Variants in RARB observed in about 807,000 individuals in gnomAD.
The protein encoded by RARB is retinoic acid receptor beta.
A neutral mutation model predicts 51.9 loss-of-function variants in RARB; 17 were observed. The observed-to-expected ratio is 0.33, with a 90% CI of 0.22 to 0.49. The LOEUF is 0.49. Among genes scored for constraint, RARB ranks in the 20% least tolerant of loss-of-function variants. The probability of loss-of-function intolerance (pLI) is 0.99; values close to 1 mark genes in which losing one functional copy is unlikely to be tolerated. For missense variants in RARB, 369 were observed against 550.8 expected (o/e 0.67, Z 3.30); for synonymous variants, 215 against 195.4 (o/e 1.10, Z -0.84).
At chr3:25,169,645 G>C (rs917711718) in intron 4 of RARB, among the ~76,000 whole-genome samples, 11 of 152,052 alleles carry the variant, frequency 7.2e-5, no homozygotes, top group African/African-American at 2.7e-4. Flanking sequence ...CTATGTGTGG[G>C]CAATAGTTTA....
chr3:25,197,823 T>C (rs1401254492), intron 5 of RARB, among the ~76,000 whole-genome samples: 2 of 151,922 alleles, frequency 1.3e-5, no homozygotes, highest in East Asian at 3.9e-4. Flanking sequence ...TGGAATGTTT[T>C]AAAAAATCAA....
chr3:25,459,172 G>A (rs919391313), intron 1 of RARB, among the ~76,000 whole-genome samples: 2 of 152,212 alleles, frequency 1.3e-5, no homozygotes, highest in African/African-American at 4.8e-5. Flanking sequence ...ACCAGGAATG[G>A]AGAGGGGCAT....
intron 5 of RARB, among the ~76,000 whole-genome samples, chr3:25,246,678 C>T (rs1702569302): frequency 2.0e-5 from 3 of 152,114 alleles, no homozygotes; most frequent in African/African-American, 4.8e-5. Flanking sequence ...TTGCTGTGTG[C>T]TCCTCCCTCT....
chr3:25,180,010 A>T (rs1176290681), intron 5 of RARB, among the ~76,000 whole-genome samples: 1 of 152,212 alleles, frequency 6.6e-6, no homozygotes, highest in African/African-American at 2.4e-5. Flanking sequence ...GATCAAGAAT[A>T]TATGAATATG....
At chr3:24,862,794 T>C (rs986383589) in intron 2 of RARB, among the ~76,000 whole-genome samples, 8 of 152,222 alleles carry the variant, frequency 5.3e-5, no homozygotes, top group African/African-American at 1.9e-4. Flanking sequence ...TACTGTACTG[T>C]ATCTGTGGTA....
intron 3 of RARB, among the ~76,000 whole-genome samples, chr3:25,100,987 G>A (rs1357184834): frequency 6.6e-6 from 1 of 152,176 alleles, no homozygotes; most frequent in African/African-American, 2.4e-5. Flanking sequence ...GATTAGAAAG[G>A]CTAAAATAGA....
At chr3:25,496,905 A>G (rs1351313548) in intron 2 of RARB, among the ~76,000 whole-genome samples, 1 of 152,178 alleles carries the variant, frequency 6.6e-6, no homozygotes, top group Non-Finnish European at 1.5e-5. Context: ...GCTTTTTGAG[A>G]CGGAGTTTCA....
chr3:25,215,356 A>G (rs936643211), intron 5 of RARB, among the ~76,000 whole-genome samples: 42 of 152,336 alleles, frequency 2.8e-4, no homozygotes, highest in African/African-American at 1.0e-3. Context: ...AGGGTTTGAC[A>G]AACTGTTGAC....
At chr3:24,920,395 A>C (rs78117778) in intron 2 of RARB, among the ~76,000 whole-genome samples, 1 of 152,214 alleles carries the variant, frequency 6.6e-6, no homozygotes, top group South Asian at 2.1e-4. Context: ...CAAATCAGGA[A>C]ATCTAAATAT....
At chr3:25,406,222 T>C (rs1451687232) in intron 5 of RARB, among the ~76,000 whole-genome samples, 1 of 152,172 alleles carries the variant, frequency 6.6e-6, no homozygotes, top group African/African-American at 2.4e-5. Context: ...AAACTTTATT[T>C]AGAGGTTCCA....
At chr3:25,164,695 A>G (rs1700532085) in intron 4 of RARB, among the ~76,000 whole-genome samples, 1 of 152,214 alleles carries the variant, frequency 6.6e-6, no homozygotes, top group Non-Finnish European at 1.5e-5. Flanking sequence ...TATGGTTTCA[A>G]TTATGTGAAT....
chr3:25,033,840 C>A (rs1697927035), intron 2 of RARB, among the ~76,000 whole-genome samples: 1 of 152,210 alleles, frequency 6.6e-6, no homozygotes, highest in Non-Finnish European at 1.5e-5. Context: ...TAGCTTAAAT[C>A]TCCTAGCTTA....
chr3:25,490,716 A>G (rs910393949), intron 2 of RARB, among the ~76,000 whole-genome samples: 3 of 152,190 alleles, frequency 2.0e-5, no homozygotes, highest in Non-Finnish European at 4.4e-5. Flanking sequence ...TTTCAATAAA[A>G]TAATTGAAAA....
chr3:24,866,447 G>GGCC (rs1702850566), intron 2 of RARB, among the ~76,000 whole-genome samples: 1 of 152,118 alleles, frequency 6.6e-6, no homozygotes, highest in Non-Finnish European at 1.5e-5. Context: ...CACAAGGCAA[G>GGCC]GCACTCTGGA....
intron 2 of RARB, among the ~76,000 whole-genome samples, chr3:24,981,531 C>T (rs748289670): frequency 1.3e-5 from 2 of 152,142 alleles, no homozygotes; most frequent in Admixed American, 6.5e-5. Context: ...TGTCCCAGGT[C>T]GATCCCAGAC....
intron 4 of RARB, among the ~76,000 whole-genome samples, chr3:25,139,436 TAGA>T (rs1313040052): frequency 6.6e-6 from 1 of 152,130 alleles, no homozygotes; most frequent in Non-Finnish European, 1.5e-5. Flanking sequence ...GTGGTGTGGA[TAGA>T]AGATCAAACC....
At chr3:24,900,371 C>G (rs1442268610) in intron 2 of RARB, among the ~76,000 whole-genome samples, 1 of 152,224 alleles carries the variant, frequency 6.6e-6, no homozygotes, top group African/African-American at 2.4e-5. Flanking sequence ...CCATATTCAT[C>G]TCTTTGAAAT....
At chr3:25,105,360 C>A (rs558071190) in intron 3 of RARB, among the ~76,000 whole-genome samples, 2 of 145,262 alleles carry the variant, frequency 1.4e-5, no homozygotes, top group Non-Finnish European at 3.0e-5. Context: ...GCTTTGATAG[C>A]ACTTTTAAAA....
At chr3:25,307,124 C>T (rs1435385766) in intron 5 of RARB, among the ~76,000 whole-genome samples, 2 of 152,154 alleles carry the variant, frequency 1.3e-5, no homozygotes, top group African/African-American at 4.8e-5. Flanking sequence ...ATGGCTCATG[C>T]CTGTGATCCC....
Sources: allele counts gnomAD v4.1 joint callset (sites outside exome capture counted in the v4.1 genomes callset), GRCh38; gene constraint gnomAD v4.1.1; transcripts MANE v1.5; gene names NCBI Gene and HGNC (gene_info 2026-07-23, HGNC 2026-07-21).